The following HUNK variants were observed in gnomAD, a reference collection of about 807,000 sequenced individuals.
The protein encoded by HUNK is hormonally up-regulated neu tumor-associated kinase.
HUNK carries 21 observed loss-of-function variants against 61.0 expected under a neutral mutation model. The ratio of observed to expected loss-of-function variants is 0.34; its 90% CI spans 0.24 to 0.50. The LOEUF (loss-of-function observed/expected upper bound fraction) is 0.50, where lower values mean the gene tolerates loss of function less well. HUNK is among the 20% of genes least tolerant of loss of function. The pLI, the probability that HUNK is intolerant of heterozygous loss-of-function variation, is 0.98. For synonymous variants in HUNK, 371 were observed against 386.1 expected (o/e 0.96, Z 0.46); for missense variants, 772 against 945.7 (o/e 0.82, Z 2.41).
intron 10 of HUNK, among the ~76,000 whole-genome samples, chr21:31,997,418 A>G (rs1312037760): frequency 6.6e-6 from 1 of 152,212 alleles, no homozygotes; most frequent in Admixed American, 6.5e-5. Context: ...AAGGGAAGGA[A>G]ATCCTGGCAC....
chr21:31,987,872 G>A (rs924236601), intron 8 of HUNK, among the ~76,000 whole-genome samples: 1 of 152,216 alleles, frequency 6.6e-6, no homozygotes, highest in Non-Finnish European at 1.5e-5. Flanking sequence ...GGCAGGGGGT[G>A]GAGCTGGATG....
At chr21:31,884,512 A>T (rs2052331755) in intron 1 of HUNK, among the ~76,000 whole-genome samples, 1 of 151,982 alleles carries the variant, frequency 6.6e-6, no homozygotes, top group Non-Finnish European at 1.5e-5. Context: ...GAATCACTTG[A>T]ACCTGGGAGG....
chr21:31,898,414 C>T (rs1395197631), intron 1 of HUNK, among the ~76,000 whole-genome samples: 3 of 152,046 alleles, frequency 2.0e-5, no homozygotes, highest in Non-Finnish European at 4.4e-5. Context: ...TATAGGCATC[C>T]GCCACCATGC....
chr21:31,990,218 G>A (rs754573081), intron 9 of HUNK, 42 bp downstream of exon 9: 3 of 1,535,110 alleles, frequency 2.0e-6, no homozygotes, highest in Non-Finnish European at 2.7e-6. Context: ...GGGTTCTCCA[G>A]AGAAACAGAA....
chr21:31,936,266 G>T (rs1262352295), intron 2 of HUNK, among the ~76,000 whole-genome samples: 1 of 152,178 alleles, frequency 6.6e-6, no homozygotes, highest in Non-Finnish European at 1.5e-5. Flanking sequence ...AAATACCTAG[G>T]TAAAAGCTAT....
chr21:31,922,262 C>T (rs1331222689), intron 1 of HUNK, among the ~76,000 whole-genome samples: 1 of 151,834 alleles, frequency 6.6e-6, no homozygotes, highest in Non-Finnish European at 1.5e-5. Flanking sequence ...AGTGATCCAC[C>T]CGCCTTGGCC....
intron 4 of HUNK, 73 bp downstream of exon 4, chr21:31,946,244 C>T (rs1164098562): frequency 6.8e-7 from 1 of 1,474,776 alleles, no homozygotes; most frequent in East Asian, 2.4e-5. Flanking sequence ...GAAATCATGC[C>T]TGAGTATTGG....
In HUNK at chr21:31,937,205, T is replaced by C. The variant is rs1358506835; in HGVS notation, c.555-2960T>C. ...ACAGAGTCCTTGCAAGTCTCTCATA[T>C]GATAAGGACACAATTTCAATCATAG... On this transcript the variant is annotated intron_variant, in intron 2 of 10. Coordinates refer to ENST00000270112, the MANE Select transcript of HUNK (RefSeq NM_014586.2). 3.3e-5 allele frequency among the ~76,000 whole-genome samples: 5 copies of C among 152,198 alleles called. No individual in the cohort carries two copies. The East Asian group carries it at 9.6e-4, about 29-fold the overall frequency.
intron 4 of HUNK, among the ~76,000 whole-genome samples, chr21:31,948,435 G>A (rs1344324780): frequency 6.6e-6 from 1 of 152,172 alleles, no homozygotes; most frequent in African/African-American, 2.4e-5. Flanking sequence ...TGGCTTTGAG[G>A]CCCTCCCATG....
At chr21:31,910,004 C>T (rs562292658) in intron 1 of HUNK, among the ~76,000 whole-genome samples, 1 of 152,310 alleles carries the variant, frequency 6.6e-6, no homozygotes, top group South Asian at 2.1e-4. Context: ...GGGGCTTTCC[C>T]TTTGCCCACC....
chr21:31,918,013 A>G (rs1028500533), intron 1 of HUNK, among the ~76,000 whole-genome samples: 5 of 152,206 alleles, frequency 3.3e-5, no homozygotes, highest in African/African-American at 1.2e-4. Context: ...TTACCCAGTT[A>G]GAGTCAGTGT....
chr21:31,914,912 G>A (rs963808025), intron 1 of HUNK, among the ~76,000 whole-genome samples: 4 of 152,096 alleles, frequency 2.6e-5, no homozygotes, highest in African/African-American at 9.7e-5. Context: ...TCAGTCTATT[G>A]CAGATGGCAA....
At chr21:31,907,715 C>T (rs570404383) in intron 1 of HUNK, among the ~76,000 whole-genome samples, 1 of 152,136 alleles carries the variant, frequency 6.6e-6, no homozygotes, top group Non-Finnish European at 1.5e-5. Flanking sequence ...ATGGGCCGGG[C>T]GTGCTGGCTC....
intron 5 of HUNK, among the ~76,000 whole-genome samples, chr21:31,962,220 A>G (rs956501623): frequency 6.6e-6 from 1 of 152,252 alleles, no homozygotes; most frequent in Non-Finnish European, 1.5e-5. Flanking sequence ...CAACCTTACC[A>G]TGTGCGTTGA....
intron 10 of HUNK, 67 bp from the exon 11 acceptor site, chr21:31,998,459 G>A: frequency 7.2e-7 from 1 of 1,391,014 alleles, no homozygotes; most frequent in Non-Finnish European, 9.7e-7. Flanking sequence ...GGTCACAGCA[G>A]GCAGGAGAAG....
At chr21:31,973,880 G>A (rs1203431839) in intron 6 of HUNK, among the ~76,000 whole-genome samples, 1 of 152,112 alleles carries the variant, frequency 6.6e-6, no homozygotes, top group Admixed American at 6.5e-5. Context: ...GTATTTCTTT[G>A]CCATTTTATC....
chr21:31,873,923 G>A lies in HUNK; in HGVS notation c.249G>A (p.Leu83=). The A allele has an allele frequency of 7.1e-6, 11 of 1,553,984 alleles. No homozygotes were observed. The highest frequency in any genetic ancestry group is 9.5e-6 in the Non-Finnish European group (11 of 1,153,544). ...AGGTGCGCGAGGGGCTGCACGTGCT[G>A]ACCGGGGAGAAGGTGAGTCTCCCGG... ...FAKVREGLHV[L]TGEKVAIKVI... The change falls in exon 1 of 11, where the codon CTG becomes CTA. Residue 83 remains leucine (L), a synonymous_variant. Transcript: ENST00000270112. This position sits in a 1 kb window ranked among gnomAD's most constrained non-coding sequence, Gnocchi z 6.1.
chr21:31,979,731 G>A (rs111860523), intron 7 of HUNK, among the ~76,000 whole-genome samples: 29 of 151,624 alleles, frequency 1.9e-4, no homozygotes, highest in South Asian at 1.5e-3. Flanking sequence ...TAGCCAGGAT[G>A]GTCTCAATCT....
chr21:31,884,684 G>T (rs1030180445), intron 1 of HUNK, among the ~76,000 whole-genome samples: 1 of 152,232 alleles, frequency 6.6e-6, no homozygotes, highest in South Asian at 2.1e-4. Flanking sequence ...ATTTCTATGA[G>T]CCAGAAAACA....
Sources: allele counts gnomAD v4.1 joint callset (sites outside exome capture counted in the v4.1 genomes callset), GRCh38; gene constraint gnomAD v4.1.1; non-coding constraint Gnocchi (gnomAD v3.1); transcripts MANE v1.5; gene names NCBI Gene and HGNC (gene_info 2026-07-23, HGNC 2026-07-21).